Variants in RIMBP2 observed in about 807,000 individuals in gnomAD.
RIMBP2 encodes RIMS-binding protein 2.
Under a neutral mutation model 118.6 loss-of-function variants are expected in RIMBP2, and 48 were observed. That is an observed-to-expected ratio of 0.40 (90% CI 0.32 to 0.51). The LOEUF (loss-of-function observed/expected upper bound fraction) is 0.51, where lower values mean the gene tolerates loss of function less well. Among genes scored for constraint, RIMBP2 ranks in the 20% least tolerant of loss-of-function variants. The probability of loss-of-function intolerance (pLI) is 0.41; values close to 1 mark genes in which losing one functional copy is unlikely to be tolerated. For missense variants in RIMBP2, 1,551 were observed against 1,768.3 expected (o/e 0.88, Z 2.20); for synonymous variants, 762 against 742.9 (o/e 1.03, Z -0.42).
rs2061244367 is a variant in RIMBP2 at position 130,620,545 on chromosome 12, C to A, written c.-217+7777G>T. On this transcript the variant is annotated intron_variant, in intron 2 of 22. Transcript: ENST00000690449. The surrounding 1 kb of genome is among the most constrained non-coding windows in gnomAD (Gnocchi z 5.3). ...ATGCACGGCCCCACAGTCCCAGGGG[C>A]CAGATGCCCAAGCTCGGGGTGTCGG... Among the ~76,000 whole-genome samples, 2 of 152,200 alleles carry A rather than the reference C, an allele frequency of 1.3e-5. No individual in the cohort carries two copies. Among genetic ancestry groups the A allele is most frequent in the Admixed American group, 1.3e-4 (2 of 15,280 alleles).
In RIMBP2 at chr12:130,434,974, G is replaced by T. The variant is rs963692402; in HGVS notation, c.2107-94C>A. ...TTCACCAAACCTTCAGCCCCTCAGAGCCTGGCCAGGCACCCCCCACACAGT... is the reference window on the plus strand; with the variant it reads ...TTCACCAAACCTTCAGCCCCTCAGATCCTGGCCAGGCACCCCCCACACAGT... On this transcript the variant is annotated intron_variant, in intron 13 of 22. Transcript: ENST00000690449. This position sits in a 1 kb window ranked among gnomAD's most constrained non-coding sequence, Gnocchi z 5.7. The T allele has an allele frequency of 2.4e-5, 32 of 1,339,266 alleles. No homozygotes were observed. The African/African-American group carries it at 3.7e-4, about 15-fold the overall frequency. 83.0% of individuals were successfully genotyped at this position (1,339,266 alleles called of 1,614,324 possible).
At position 130,475,239 on chromosome 12, in the gene RIMBP2, C is replaced by G. The variant is rs1213311900; in HGVS notation, c.102+3673G>C. 6.6e-6 allele frequency among the ~76,000 whole-genome samples: 1 copy of G among 152,190 alleles called. No individual in the cohort carries two copies. The highest frequency in any genetic ancestry group is 1.5e-5 in the Non-Finnish European group (1 of 68,040). On this transcript the variant is annotated intron_variant, in intron 5 of 22. Transcript: ENST00000690449. This position sits in a 1 kb window ranked among gnomAD's most constrained non-coding sequence, Gnocchi z 4.1. ...ATGCTTTCCCTTTCACATGATCTTACGTGCTTCTCCCGACCGCCATGCAGG... is the reference window on the plus strand; with the variant it reads ...ATGCTTTCCCTTTCACATGATCTTAGGTGCTTCTCCCGACCGCCATGCAGG...
intron 2 of RIMBP2, among the ~76,000 whole-genome samples, chr12:130,532,468 C>T (rs1255443953): frequency 6.2e-4 from 63 of 101,106 alleles, no homozygotes; most frequent in Middle Eastern, 7.9e-3. Flanking sequence ...TGCGTGTGTT[C>T]AGCCTCTAGG....
chr12:130,480,890 C>T (rs543571514), intron 4 of RIMBP2, among the ~76,000 whole-genome samples: 6 of 152,198 alleles, frequency 3.9e-5, no homozygotes, highest in African/African-American at 9.6e-5. Flanking sequence ...CGTGAGCCAC[C>T]GCGCCCGACC....
At chr12:130,432,986 C>T (rs1317402982) in intron 14 of RIMBP2, among the ~76,000 whole-genome samples, 1 of 152,068 alleles carries the variant, frequency 6.6e-6, no homozygotes, top group Non-Finnish European at 1.5e-5. Context: ...TACCTGGGGC[C>T]GAGGGGTCAA....
Position 130,531,988 on chromosome 12 carries a change from T to G in RIMBP2, c.-216-14071A>C, listed in dbSNP as rs79372653. Among the ~76,000 whole-genome samples the G allele has an allele frequency of 2.3e-4, 22 of 96,706 alleles. 1 individual carries two copies. Among genetic ancestry groups the G allele is most frequent in the African/African-American group, 1.1e-3 (22 of 20,778 alleles). 63.4% of individuals were successfully genotyped at this position (96,706 alleles called of 152,430 possible). A position where few individuals can be genotyped will look rare whatever the true frequency, so the allele number is the denominator to read the frequency against. On this transcript the variant is annotated intron_variant, in intron 2 of 22. Coordinates refer to ENST00000690449, the MANE Select transcript of RIMBP2 (RefSeq NM_001393629.1). ...ATGCGTATGTTTAGCCTCTAGGAGGTACGTCTAATGAGATGCGTATGTTTA... is the reference window on the plus strand; with the variant it reads ...ATGCGTATGTTTAGCCTCTAGGAGGGACGTCTAATGAGATGCGTATGTTTA...
intron 1 of RIMBP2, among the ~76,000 whole-genome samples, chr12:130,712,134 C>A (rs542700489): frequency 2.0e-5 from 3 of 152,200 alleles, no homozygotes; most frequent in Non-Finnish European, 4.4e-5. Flanking sequence ...GAGGAGTGGA[C>A]GTGAGGGCCC....
chr12:130,412,851 C>A, intron 18 of RIMBP2, 64 bp from the exon 19 acceptor site: 1 of 1,455,926 alleles, frequency 6.9e-7, no homozygotes, highest in Non-Finnish European at 9.4e-7. Flanking sequence ...ACAATAGTCC[C>A]ACTGACGGTA....
At chr12:130,555,385 C>T (rs2056252288) in intron 2 of RIMBP2, among the ~76,000 whole-genome samples, 1 of 152,198 alleles carries the variant, frequency 6.6e-6, no homozygotes, top group Non-Finnish European at 1.5e-5. Context: ...CAGCGTGGGT[C>T]TCACATGATG....
chr12:130,613,158 A>T (rs1168248943), intron 2 of RIMBP2, among the ~76,000 whole-genome samples: 2 of 152,240 alleles, frequency 1.3e-5, no homozygotes, highest in Admixed American at 1.3e-4. Context: ...ACCAGCCAGA[A>T]GGCCATGCCT....
chr12:130,525,844 T>A lies in RIMBP2; in HGVS notation c.-216-7927A>T, dbSNP rs559355512. ...ATCCAGTCCTCTCAGCACTGCCATG[T>A]GGCAGACATTCTTGCTATCCTGCTT... On this transcript the variant is annotated intron_variant, in intron 2 of 22. Transcript: ENST00000690449. The surrounding 1 kb of genome is among the most constrained non-coding windows in gnomAD (Gnocchi z 4.4). Among the ~76,000 whole-genome samples the A allele has an allele frequency of 5.3e-5, 8 of 152,274 alleles. No homozygotes were observed. Among genetic ancestry groups the A allele is most frequent in the Non-Finnish European group, 1.0e-4 (7 of 68,036 alleles).
At chr12:130,660,699 T>C (rs2063621548) in intron 1 of RIMBP2, 1 of 152,202 alleles carries the variant, frequency 6.6e-6, no homozygotes, top group African/African-American at 2.4e-5. Context: ...TTCGGCTCTT[T>C]GGTGGGTGAG....
Position 130,419,372 on chromosome 12 carries a change from G to T in RIMBP2, c.3238+3081C>A, listed in dbSNP as rs1333053163. Among the ~76,000 whole-genome samples the T allele has an allele frequency of 6.6e-6, 1 of 152,168 alleles. No homozygotes were observed. The highest frequency in any genetic ancestry group is 2.4e-5 in the African/African-American group (1 of 41,446). On this transcript the variant is annotated intron_variant, in intron 17 of 22. Coordinates refer to ENST00000690449, the MANE Select transcript of RIMBP2 (RefSeq NM_001393629.1). This position sits in a 1 kb window ranked among gnomAD's most constrained non-coding sequence, Gnocchi z 4.3. ...TCAGGGCTCATGCCTGGACGCCTGG[G>T]TGGGCTCCCAAATCCACTGGTGCCA...
intron 10 of RIMBP2, among the ~76,000 whole-genome samples, chr12:130,444,636 G>T (rs1472170989): frequency 6.6e-6 from 1 of 152,196 alleles, no homozygotes; most frequent in Admixed American, 6.5e-5. Flanking sequence ...TTCAAATTTG[G>T]AGAGGAGACC....
At chr12:130,608,072 G>A (rs1459019211) in intron 2 of RIMBP2, among the ~76,000 whole-genome samples, 2 of 152,178 alleles carry the variant, frequency 1.3e-5, no homozygotes, top group Non-Finnish European at 2.9e-5. Flanking sequence ...CAAAGATTCA[G>A]CGTCCTAGGA....
At chr12:130,571,426 T>A (rs1476510864) in intron 2 of RIMBP2, among the ~76,000 whole-genome samples, 1 of 151,034 alleles carries the variant, frequency 6.6e-6, no homozygotes, top group Non-Finnish European at 1.5e-5. Context: ...ATTTTTTTTT[T>A]TTTTTTTTTT....
intron 1 of RIMBP2, among the ~76,000 whole-genome samples, chr12:130,664,403 GCA>G (rs1555320851): frequency 3.2e-5 from 2 of 61,658 alleles, no homozygotes; most frequent in African/African-American, 4.6e-5. Context: ...ACACACGCAC[GCA>G]CGCACGCACA....
chr12:130,532,479 A>G (rs950697686), intron 2 of RIMBP2, among the ~76,000 whole-genome samples: 25 of 148,944 alleles, frequency 1.7e-4, no homozygotes, highest in African/African-American at 6.1e-4. Flanking sequence ...AGCCTCTAGG[A>G]GTTACGTCTA....
chr12:130,453,648 A>G (rs1219797357), intron 7 of RIMBP2, among the ~76,000 whole-genome samples: 1 of 152,256 alleles, frequency 6.6e-6, no homozygotes, highest in African/African-American at 2.4e-5. Flanking sequence ...AACTCGCAGA[A>G]GCAGAGAACA....
Sources: gnomAD v4.1 joint callset for allele counts (sites outside exome capture counted in the v4.1 genomes callset) on GRCh38, gnomAD v4.1.1 for gene constraint, Gnocchi (gnomAD v3.1) non-coding constraint, MANE v1.5 for transcripts, NCBI Gene and HGNC (gene_info 2026-07-23, HGNC 2026-07-21) for gene names.